RASA2: variants seen among roughly 807,000 people sequenced by gnomAD.
The protein encoded by RASA2 is ras GTPase-activating protein 2.
In RASA2, 155 loss-of-function variants were observed where a neutral mutation model predicts 118.2. That is an observed-to-expected ratio of 1.31 (90% CI 1.15 to 1.50). The LOEUF (loss-of-function observed/expected upper bound fraction) is 1.50. RASA2 is among the 40% of genes most tolerant of loss of function. RASA2 has a pLI of 0.00. For synonymous variants in RASA2, 353 were observed against 349.1 expected, an observed-to-expected ratio of 1.01 and a Z score of -0.12; for missense variants, 1,016 against 1,009.6, an observed-to-expected ratio of 1.01 and a Z score of -0.09.
intron 3 of RASA2, among the ~76,000 whole-genome samples, chr3:141,520,791 C>T (rs1196176584): frequency 1.3e-5 from 2 of 151,780 alleles, no homozygotes; most frequent in African/African-American, 4.8e-5. Flanking sequence ...CTGTTGTAGG[C>T]CATAAGAAGT....
intron 17 of RASA2, 96 bp from the exon 18 acceptor site, chr3:141,585,929 G>A: frequency 1.1e-6 from 1 of 876,394 alleles, no homozygotes; most frequent in Non-Finnish European, 1.7e-6. Context: ...TAATAATGAA[G>A]AACTTCCCAT....
chr3:141,538,343 A>G (rs903212762), intron 4 of RASA2, among the ~76,000 whole-genome samples: 4 of 152,194 alleles, frequency 2.6e-5, no homozygotes, highest in African/African-American at 9.6e-5. Flanking sequence ...AATTGGTAGT[A>G]TATACTTTTA....
intron 1 of RASA2, among the ~76,000 whole-genome samples, chr3:141,492,609 T>C (rs1324390005): frequency 1.3e-5 from 2 of 152,366 alleles, no homozygotes; most frequent in Admixed American, 1.3e-4. Context: ...CTTGTAAAAT[T>C]AGAGGTTTGG....
intron 3 of RASA2, among the ~76,000 whole-genome samples, chr3:141,521,134 G>T (rs1422124933): frequency 6.6e-6 from 1 of 152,108 alleles, no homozygotes; most frequent in Admixed American, 6.5e-5. Flanking sequence ...GTTGACAGTT[G>T]GAAATATAGA....
At chr3:141,537,375 C>T (rs2082342583) in intron 4 of RASA2, among the ~76,000 whole-genome samples, 1 of 152,164 alleles carries the variant, frequency 6.6e-6, no homozygotes, top group Non-Finnish European at 1.5e-5. Context: ...AATACATTTT[C>T]ATTTTGGTTT....
chr3:141,588,763 A>G (rs2083244263), intron 19 of RASA2, among the ~76,000 whole-genome samples: 1 of 152,196 alleles, frequency 6.6e-6, no homozygotes, highest in Non-Finnish European at 1.5e-5. Context: ...TATTACTCAG[A>G]TAATTTGTTA....
intron 4 of RASA2, among the ~76,000 whole-genome samples, chr3:141,540,250 G>T (rs183271079): frequency 3.9e-5 from 6 of 152,184 alleles, no homozygotes; most frequent in Non-Finnish European, 8.8e-5. Flanking sequence ...TTTAGGTATT[G>T]TCTTTCCTTT....
chr3:141,536,369 C>T (rs1018452742), intron 4 of RASA2, among the ~76,000 whole-genome samples: 6 of 152,136 alleles, frequency 3.9e-5, no homozygotes, highest in African/African-American at 1.4e-4. Flanking sequence ...ATGACCTCCC[C>T]CCGGGTTCCT....
intron 9 of RASA2, among the ~76,000 whole-genome samples, chr3:141,560,976 A>T (rs927547130): frequency 6.6e-6 from 1 of 152,176 alleles, no homozygotes; most frequent in Non-Finnish European, 1.5e-5. Flanking sequence ...GGAGACTCTC[A>T]AAATTTTTAC....
intron 5 of RASA2, among the ~76,000 whole-genome samples, chr3:141,540,898 G>T (rs560699078): frequency 3.9e-5 from 6 of 152,182 alleles, no homozygotes; most frequent in Admixed American, 2.6e-4. Flanking sequence ...AATTGGAAAG[G>T]CTTCCCAAAG....
At chr3:141,597,382 G>A (rs955020434) in intron 19 of RASA2, among the ~76,000 whole-genome samples, 16 of 152,300 alleles carry the variant, frequency 1.1e-4, no homozygotes, top group East Asian at 3.9e-4. Context: ...CCATTTATAC[G>A]AAGTGTCCAG....
At chr3:141,493,589 A>G (rs142718137) in intron 1 of RASA2, among the ~76,000 whole-genome samples, 47 of 152,144 alleles carry the variant, frequency 3.1e-4, no homozygotes, top group African/African-American at 1.1e-3. Flanking sequence ...AATGATGGCA[A>G]CCTGCTGTGC....
At chr3:141,593,883 A>T (rs1021207435) in intron 19 of RASA2, among the ~76,000 whole-genome samples, 3 of 152,236 alleles carry the variant, frequency 2.0e-5, no homozygotes, top group African/African-American at 7.2e-5. Context: ...TGTTTTATTC[A>T]TGAAGGCCAG....
chr3:141,611,507 A>G (rs2107805612), intron 23 of RASA2, among the ~76,000 whole-genome samples: 1 of 152,278 alleles, frequency 6.6e-6, no homozygotes, highest in East Asian at 1.9e-4. Flanking sequence ...AGTGTTTGCC[A>G]CAGTGAACAC....
At position 141,568,764 on chromosome 3, in the gene RASA2, G is replaced by A. The variant is rs563486986; in HGVS notation, c.864-2148G>A. Among the ~76,000 whole-genome samples the A allele has an allele frequency of 3.8e-4, 57 of 151,986 alleles. No homozygotes were observed. The East Asian group carries it at 4.2e-3, about 11-fold the overall frequency. On this transcript the variant is annotated intron_variant, in intron 9 of 23. Coordinates refer to ENST00000286364, the MANE Select transcript of RASA2 (RefSeq NM_006506.5). Reference sequence around the variant, plus strand: ...CAGTTGCTTTTATCTACCCTACAGCGTTTGTTAATAGCAAATCCAAATTTG... The same window carrying A: ...CAGTTGCTTTTATCTACCCTACAGCATTTGTTAATAGCAAATCCAAATTTG...
chr3:141,558,149 C>G (rs1435451111), intron 7 of RASA2, among the ~76,000 whole-genome samples: 1 of 152,168 alleles, frequency 6.6e-6, no homozygotes, highest in Non-Finnish European at 1.5e-5. Context: ...TCAGCTTCCT[C>G]ATTTTTAAGT....
At chr3:141,528,455 G>A (rs2082213238) in intron 3 of RASA2, among the ~76,000 whole-genome samples, 1 of 151,878 alleles carries the variant, frequency 6.6e-6, no homozygotes, top group Non-Finnish European at 1.5e-5. Flanking sequence ...TTAACAGTAG[G>A]GGAATGTGAG....
At chr3:141,532,604 G>A (rs1224017527) in intron 4 of RASA2, among the ~76,000 whole-genome samples, 1 of 152,090 alleles carries the variant, frequency 6.6e-6, no homozygotes, top group East Asian at 1.9e-4. Context: ...AAAAATTTTT[G>A]CGTAAGTTAC....
chr3:141,524,515 G>A (rs540198013), intron 3 of RASA2, among the ~76,000 whole-genome samples: 2 of 152,196 alleles, frequency 1.3e-5, no homozygotes, highest in Admixed American at 1.3e-4. Context: ...GCTGTTGACT[G>A]TTTGCCAGGA....
Sources: allele counts gnomAD v4.1 joint callset (sites outside exome capture counted in the v4.1 genomes callset), GRCh38; gene constraint gnomAD v4.1.1; transcripts MANE v1.5; gene names NCBI Gene and HGNC (gene_info 2026-07-23, HGNC 2026-07-21).